Variants in OTUD7B observed in about 807,000 individuals in gnomAD.
OTUD7B encodes the protein OTU domain-containing protein 7B.
A neutral mutation model predicts 82.2 loss-of-function variants in OTUD7B; 34 were observed. The observed-to-expected ratio is 0.41, with a 90% CI of 0.31 to 0.55. The LOEUF (loss-of-function observed/expected upper bound fraction) is 0.55. OTUD7B is among the 20% of genes least tolerant of loss of function. The pLI, the probability that OTUD7B is intolerant of heterozygous loss-of-function variation, is 0.20. For missense variants in OTUD7B, 944 were observed against 1,062.1 expected, an observed-to-expected ratio of 0.89 and a Z score of 1.55; for synonymous variants, 398 against 402.7, an observed-to-expected ratio of 0.99 and a Z score of 0.14.
chr1:150,008,297 C>A (rs1652798420), intron 1 of OTUD7B, among the ~76,000 whole-genome samples: 1 of 152,304 alleles, frequency 6.6e-6, no homozygotes, highest in South Asian at 2.1e-4. Context: ...AATCAACTCA[C>A]ACAGATCAAA....
the OTUD7B span, among the ~76,000 whole-genome samples, chr1:150,044,004 GC>G: frequency 2.6e-5 from 4 of 151,982 alleles, no homozygotes; most frequent in Admixed American, 6.6e-5. Context: ...TGTAGTCCCA[GC>G]TACTCAGGAA....
chr1:149,953,706 T>C (rs782687341), intron 7 of OTUD7B, among the ~76,000 whole-genome samples: 26 of 152,370 alleles, frequency 1.7e-4, no homozygotes, highest in Non-Finnish European at 3.4e-4. Flanking sequence ...CATTTGTTTG[T>C]GTCCTCTTTT....
upstream of OTUD7B, chr1:150,010,755 C>T (rs1483427114): frequency 6.6e-6 from 1 of 152,134 alleles, no homozygotes; most frequent in South Asian, 2.1e-4. Flanking sequence ...CGGAAACAGG[C>T]GCCAGTTTCC....
At chr1:150,029,348 G>T in the OTUD7B span, among the ~76,000 whole-genome samples, 2 of 152,086 alleles carry the variant, frequency 1.3e-5, no homozygotes, top group Admixed American at 6.6e-5. Context: ...ATTGTCCAGG[G>T]TTCTGATATC....
the OTUD7B span, among the ~76,000 whole-genome samples, chr1:150,060,225 T>C: frequency 0.11 from 16,126 of 152,250 alleles, 1,200 homozygotes; most frequent in Non-Finnish European, 0.17. Context: ...TGATGAACTG[T>C]GTCCCTGCAA....
upstream of OTUD7B, among the ~76,000 whole-genome samples, chr1:150,011,309 G>A (rs1041117126): frequency 2.0e-5 from 3 of 151,996 alleles, no homozygotes; most frequent in Non-Finnish European, 1.5e-5. Context: ...TACATAGTGC[G>A]TTTGTTATGT....
At chr1:150,014,002 A>G (rs1653187957), upstream of OTUD7B, among the ~76,000 whole-genome samples, 2 of 137,038 alleles carry the variant, frequency 1.5e-5, no homozygotes, top group African/African-American at 5.2e-5. Flanking sequence ...ATATACACAC[A>G]TATATATACA....
intron 1 of OTUD7B, among the ~76,000 whole-genome samples, chr1:150,006,248 G>C (rs1467988433): frequency 1.3e-5 from 2 of 152,188 alleles, no homozygotes; most frequent in East Asian, 1.9e-4. Flanking sequence ...ACGAGGTCAG[G>C]AGATCAAGAC....
At chr1:149,947,160 A>T in intron 11 of OTUD7B, 91 bp downstream of exon 11, 2 of 722,740 alleles carry the variant, frequency 2.8e-6, no homozygotes, top group Admixed American at 4.2e-5. Flanking sequence ...CACTCAGAAT[A>T]GATTCAGAAG....
the OTUD7B span, among the ~76,000 whole-genome samples, chr1:150,022,396 CAAAAAAAAAA>C: frequency 4.0e-3 from 24 of 6,062 alleles, 5 homozygotes; most frequent in South Asian, 0.01. Flanking sequence ...AAACTCTCTA[CAAAAAAAAAA>C]AAAAAAAAAA....
chr1:149,967,585 G>T, intron 3 of OTUD7B, 64 bp from the exon 4 acceptor site: 1 of 1,227,936 alleles, frequency 8.1e-7, no homozygotes, highest in Non-Finnish European at 1.1e-6. Context: ...CTACACTGAT[G>T]TGGTGATAGT....
chr1:150,011,090 A>T (rs1553787292), upstream of OTUD7B, among the ~76,000 whole-genome samples: 1 of 152,270 alleles, frequency 6.6e-6, no homozygotes, highest in Middle Eastern at 3.4e-3. Flanking sequence ...AAAGACTGAC[A>T]TTCTAGTAAC....
chr1:150,013,131 A>G (rs1248146181), upstream of OTUD7B, among the ~76,000 whole-genome samples: 1 of 152,214 alleles, frequency 6.6e-6, no homozygotes, highest in Admixed American at 6.5e-5. Flanking sequence ...AAGGGAAAAA[A>G]GGTAAAAGCA....
chr1:150,034,660 C>T, the OTUD7B span, among the ~76,000 whole-genome samples: 1 of 152,160 alleles, frequency 6.6e-6, no homozygotes, highest in Non-Finnish European at 1.5e-5. Flanking sequence ...AGGACTCTGT[C>T]AGAATAATCT....
intron 1 of OTUD7B, among the ~76,000 whole-genome samples, chr1:150,000,923 G>A (rs1485346149): frequency 6.6e-6 from 1 of 152,094 alleles, no homozygotes; most frequent in Non-Finnish European, 1.5e-5. Context: ...AGGTTGCAGT[G>A]AGCAGAGATC....
At chr1:149,977,662 G>T (rs1650419345) in intron 1 of OTUD7B, 86 bp from the exon 2 acceptor site, 2 of 598,042 alleles carry the variant, frequency 3.3e-6, no homozygotes, top group Admixed American at 5.6e-5. Flanking sequence ...TAACCAAATG[G>T]GGAAACTATC....
intron 9 of OTUD7B, 116 bp from the exon 10 acceptor site, chr1:149,949,199 C>T: frequency 1.5e-6 from 1 of 662,580 alleles, no homozygotes; most frequent in Non-Finnish European, 2.7e-6. Flanking sequence ...CTTCTCAATT[C>T]TTACACGTGA....
At chr1:150,025,264 A>C in the OTUD7B span, among the ~76,000 whole-genome samples, 4 of 151,762 alleles carry the variant, frequency 2.6e-5, no homozygotes, top group Non-Finnish European at 5.9e-5. Context: ...TCTACTAAAA[A>C]TACAACTGGG....
At chr1:149,965,981 C>A in intron 4 of OTUD7B, 103 bp from the exon 5 acceptor site, 1 of 794,944 alleles carries the variant, frequency 1.3e-6, no homozygotes, top group Non-Finnish European at 2.1e-6. Context: ...AGGAGGCCTA[C>A]CCAGAATAAA....
Sources: allele counts gnomAD v4.1 joint callset (sites outside exome capture counted in the v4.1 genomes callset), GRCh38; gene constraint gnomAD v4.1.1; transcripts MANE v1.5; gene names NCBI Gene and HGNC (gene_info 2026-07-23, HGNC 2026-07-21).